The following SP100 variants were observed in gnomAD, a reference collection of about 807,000 sequenced individuals.
SP100 encodes nuclear autoantigen Sp-100.
SP100 carries 84 observed loss-of-function variants against 130.0 expected under a neutral mutation model. That is an observed-to-expected ratio of 0.65 (90% CI 0.54 to 0.77). SP100 has a LOEUF of 0.77. Among genes scored for constraint, SP100 ranks in the 30% least tolerant of loss-of-function variants. The pLI, the probability that SP100 is intolerant of heterozygous loss-of-function variation, is 0.00. For missense variants in SP100, 978 were observed against 1,052.2 expected, an observed-to-expected ratio of 0.93 and a Z score of 0.97; for synonymous variants, 331 against 351.7, an observed-to-expected ratio of 0.94 and a Z score of 0.66.
At chr2:230,504,747 T>C (rs1032570117) in intron 21 of SP100, among the ~76,000 whole-genome samples, 3 of 152,180 alleles carry the variant, frequency 2.0e-5, no homozygotes, top group Non-Finnish European at 4.4e-5. Context: ...GCATAAACCA[T>C]ATCATTTGCG....
At chr2:230,448,711 T>A (rs1300400029) in intron 5 of SP100, among the ~76,000 whole-genome samples, 2 of 151,914 alleles carry the variant, frequency 1.3e-5, no homozygotes, top group Non-Finnish European at 2.9e-5. Context: ...GAGGGTGTTG[T>A]GTGAAAGGGG....
chr2:230,467,038 T>G, intron 12 of SP100, 82 bp from the exon 13 acceptor site: 1 of 970,784 alleles, frequency 1.0e-6, no homozygotes, highest in South Asian at 1.4e-5. Flanking sequence ...TTTTCCTAGT[T>G]TCCTTTTCAT....
intron 24 of SP100, among the ~76,000 whole-genome samples, chr2:230,532,317 G>GT (rs757635314): frequency 1.4e-4 from 21 of 151,756 alleles, no homozygotes; most frequent in Non-Finnish European, 3.1e-4. Context: ...TTTAAATGAT[G>GT]TTTTTTTCCA....
intron 24 of SP100, among the ~76,000 whole-genome samples, chr2:230,532,761 G>A (rs1391355290): frequency 6.6e-6 from 1 of 152,044 alleles, no homozygotes; most frequent in Non-Finnish European, 1.5e-5. Flanking sequence ...GTGTGCTAGT[G>A]CTCTTTTATT....
chr2:230,503,074 G>T lies in SP100; in HGVS notation c.1729G>T (p.Ala577Ser), dbSNP rs763611075. The T allele has an allele frequency of 5.0e-6, 8 of 1,601,906 alleles. No individual in the cohort carries two copies. Among genetic ancestry groups the T allele is most frequent in the Non-Finnish European group, 6.0e-6 (7 of 1,173,106 alleles). ...KKRWQQRGRK[A>S]NTRPLKRRRK... is the part of the protein sequence containing the mutation. ...TTTTTCAACTTTCTCAGGAAGAAAA[G>T]CCAACACTAGACCTTTGAAAAGAAG... The change falls in exon 20 of 29, where the codon GCC (alanine) becomes TCC (serine). Residue 577 changes from alanine (A) to serine (S), a missense_variant. Ala to Ser is a moderately conservative substitution (Grantham distance 99). Coordinates refer to ENST00000340126, the MANE Select transcript of SP100 (RefSeq NM_001080391.2).
intron 24 of SP100, among the ~76,000 whole-genome samples, chr2:230,527,494 A>T (rs1691486425): frequency 6.6e-6 from 1 of 152,218 alleles, no homozygotes; most frequent in South Asian, 2.1e-4. Flanking sequence ...AAGACCATCG[A>T]TGCTATGAAG....
At chr2:230,517,794 G>A (rs1356488050) in intron 24 of SP100, among the ~76,000 whole-genome samples, 1 of 151,660 alleles carries the variant, frequency 6.6e-6, no homozygotes, top group Non-Finnish European at 1.5e-5. Flanking sequence ...AAAAGAAAGA[G>A]ATATCAGAAT....
intron 18 of SP100, 55 bp from the exon 19 acceptor site, chr2:230,498,404 TTA>T: frequency 9.2e-7 from 1 of 1,092,748 alleles, no homozygotes; most frequent in Non-Finnish European, 1.3e-6. Flanking sequence ...GAAAGCACTA[TTA>T]TATATAATGT....
chr2:230,444,559 A>G (rs986901293), intron 4 of SP100, among the ~76,000 whole-genome samples: 1 of 152,184 alleles, frequency 6.6e-6, no homozygotes, highest in African/African-American at 2.4e-5. Context: ...ACTTAGACTC[A>G]CAGGACAACC....
At chr2:230,499,004 T>C (rs2066855857) in intron 19 of SP100, among the ~76,000 whole-genome samples, 1 of 152,102 alleles carries the variant, frequency 6.6e-6, no homozygotes, top group Non-Finnish European at 1.5e-5. Flanking sequence ...CCATACCAGC[T>C]TCCCATGTGG....
chr2:230,496,584 C>T (rs1181743550), intron 18 of SP100, among the ~76,000 whole-genome samples: 1 of 152,056 alleles, frequency 6.6e-6, no homozygotes, highest in East Asian at 1.9e-4. Context: ...GCAAAAACTG[C>T]AATTACTTTT....
intron 24 of SP100, chr2:230,515,430 C>A (rs186365701): frequency 6.2e-7 from 1 of 1,613,714 alleles, no homozygotes; most frequent in Non-Finnish European, 8.5e-7. Context: ...GGAATAACAC[C>A]GCTGCAGCTG....
chr2:230,527,039 G>C (rs1691463265), intron 24 of SP100, among the ~76,000 whole-genome samples: 2 of 152,104 alleles, frequency 1.3e-5, no homozygotes, highest in South Asian at 4.1e-4. Context: ...AACCTAGCAA[G>C]ACAGACCAAC....
At chr2:230,526,987 T>G (rs1032030951) in intron 24 of SP100, among the ~76,000 whole-genome samples, 1 of 152,066 alleles carries the variant, frequency 6.6e-6, no homozygotes, top group Admixed American at 6.6e-5. Flanking sequence ...TGGAACCAAG[T>G]TAGAAAACAC....
chr2:230,504,282 T>C lies in SP100; in HGVS notation c.1862T>C (p.Phe621Ser). ...EVKGTLYKER[F>S]KQGTSKKCIQ... ...AAGGGCACTCTATATAAGGAGCGATTCAAACAAGGTGAGTTTACTGGTCCA... is the reference window on the plus strand; with the variant it reads ...AAGGGCACTCTATATAAGGAGCGATCCAAACAAGGTGAGTTTACTGGTCCA... The change falls in exon 21 of 29, where the codon TTC becomes TCC. Residue 621 changes from phenylalanine to serine, a missense_variant. Coordinates refer to ENST00000340126, the MANE Select transcript of SP100 (RefSeq NM_001080391.2). The C allele has an allele frequency of 6.3e-7, 1 of 1,587,154 alleles. No homozygotes were observed. Among genetic ancestry groups the C allele is most frequent in the Non-Finnish European group, 8.6e-7 (1 of 1,157,216 alleles).
At chr2:230,491,750 A>G (rs1356087157) in intron 17 of SP100, among the ~76,000 whole-genome samples, 1 of 152,218 alleles carries the variant, frequency 6.6e-6, no homozygotes, top group East Asian at 1.9e-4. Context: ...CACAAGGATT[A>G]CAATTCAACA....
rs1472460600 is a variant in SP100 at position 230,544,775 on chromosome 2, C to A, written c.*1829C>A. Among the ~76,000 whole-genome samples the A allele has an allele frequency of 6.6e-6, 1 of 152,156 alleles. No homozygotes were observed. The highest frequency in any genetic ancestry group is 1.5e-5 in the Non-Finnish European group (1 of 68,030). On this transcript the variant is annotated 3_prime_UTR_variant, in exon 29 of 29. Coordinates refer to ENST00000340126, the MANE Select transcript of SP100 (RefSeq NM_001080391.2). ...GGATTACAGGCATCAGCCACCATGC[C>A]CGGATGAAAAGACACTTTCCAAAAG... is the stretch of plus-strand genomic sequence containing the variant.
rs2063587879 is a variant in SP100 at position 230,444,166 on chromosome 2, AT to A, written c.271-11del. ...TCTTTATTTATATTTTCTCCATTCA[AT>A]ATTTTTTAAGGATTCTCAAGATTCT... On this transcript the variant is annotated splice_polypyrimidine_tract_variant and intron_variant, in intron 3 of 28. Transcript: ENST00000340126. 6.5e-7 allele frequency: 1 copy of A among 1,546,090 alleles called. No homozygotes were observed. Among genetic ancestry groups the A allele is most frequent in the African/African-American group, 1.4e-5 (1 of 71,894 alleles).
In SP100 at chr2:230,433,217, T is replaced by C. The variant is rs546673385; in HGVS notation, c.108-9720T>C. Among the ~76,000 whole-genome samples the C allele has an allele frequency of 2.0e-3, 303 of 152,342 alleles. 2 individuals are homozygous for C. The highest frequency in any genetic ancestry group is 3.5e-3 in the Non-Finnish European group (238 of 68,022). ...GGGTCTAATTTCATATTTTTGCATGTGCCTATCCAGTTATACTAGTACTAT... is the reference window on the plus strand; with the variant it reads ...GGGTCTAATTTCATATTTTTGCATGCGCCTATCCAGTTATACTAGTACTAT... On this transcript the variant is annotated intron_variant, in intron 2 of 28. Coordinates refer to ENST00000340126, the MANE Select transcript of SP100 (RefSeq NM_001080391.2).
Sources: gnomAD v4.1 joint callset for allele counts (sites outside exome capture counted in the v4.1 genomes callset) on GRCh38, gnomAD v4.1.1 for gene constraint, MANE v1.5 for transcripts, NCBI Gene and HGNC (gene_info 2026-07-23, HGNC 2026-07-21) for gene names.